Variants in DBF4B observed in about 807,000 individuals in gnomAD.
The protein encoded by DBF4B is protein DBF4 homolog B.
Under a neutral mutation model 53.4 loss-of-function variants are expected in DBF4B, and 49 were observed. That is an observed-to-expected ratio of 0.92 (90% CI 0.73 to 1.16). The LOEUF is 1.16. Among genes scored for constraint, DBF4B ranks in the 50% most tolerant of loss-of-function variants. DBF4B has a pLI of 0.00. For synonymous variants in DBF4B, 257 were observed against 288.7 expected, an observed-to-expected ratio of 0.89 and a Z score of 1.11; for missense variants, 692 against 775.0, an observed-to-expected ratio of 0.89 and a Z score of 1.27.
At position 44,739,775 on chromosome 17, in the gene DBF4B, AT is replaced by A. The variant is rs962011266; in HGVS notation, c.713+1364del. ...AACTGGAGCTGAGATTTCTTGTGAA[AT>A]TTTTTTTTTTTTGAGACGGAGTCTC... On this transcript the variant is annotated intron_variant, in intron 9 of 13. Coordinates refer to ENST00000315005, the MANE Select transcript of DBF4B (RefSeq NM_145663.3). 4.8e-3 allele frequency among the ~76,000 whole-genome samples: 705 copies of A among 147,216 alleles called. 4 individuals are homozygous for A. The highest frequency in any genetic ancestry group is 0.015 in the African/African-American group (611 of 40,482).
At chr17:44,750,150 C>G in intron 13 of DBF4B, 1 of 997,092 alleles carries the variant, frequency 1.0e-6, no homozygotes, top group Non-Finnish European at 1.2e-6. Flanking sequence ...CACCCTCCTC[C>G]CTCGCTCCCT....
chr17:44,740,019 C>T (rs189999724), intron 9 of DBF4B, among the ~76,000 whole-genome samples: 1 of 152,272 alleles, frequency 6.6e-6, no homozygotes, highest in East Asian at 1.9e-4. Context: ...GCCTTGGCCT[C>T]CCAAAGTGCT....
rs61749923 is a variant in DBF4B at position 44,708,845 on chromosome 17, G to A, written c.19+6G>A. 3.9e-6 allele frequency: 6 copies of A among 1,550,934 alleles called. No individual in the cohort carries two copies. Among genetic ancestry groups the A allele is most frequent in the Non-Finnish European group, 5.2e-6 (6 of 1,146,770 alleles). On this transcript the variant is annotated splice_donor_region_variant and intron_variant, in intron 1 of 13. Coordinates refer to ENST00000315005, the MANE Select transcript of DBF4B (RefSeq NM_145663.3). ...GATGAGCGAACCGGGAAAGGGTACG[G>A]ATGCCGGGAAGGGGAGAAAGAAAGG... is the stretch of plus-strand genomic sequence containing the variant.
At chr17:44,726,492 C>T (rs1448767754) in intron 3 of DBF4B, among the ~76,000 whole-genome samples, 3 of 149,488 alleles carry the variant, frequency 2.0e-5, no homozygotes, top group Non-Finnish European at 3.0e-5. Context: ...TTACTCTTGG[C>T]GTCAAGCAAT....
chr17:44,723,068 C>G, intron 3 of DBF4B, 46 bp downstream of exon 3: 1 of 1,607,764 alleles, frequency 6.2e-7, no homozygotes, highest in Non-Finnish European at 8.5e-7. Flanking sequence ...CCTTTGCAGG[C>G]TTAGAGCAGG....
intron 2 of DBF4B, among the ~76,000 whole-genome samples, chr17:44,710,462 T>C (rs1972767502): frequency 6.6e-6 from 1 of 152,248 alleles, no homozygotes; most frequent in Non-Finnish European, 1.5e-5. Context: ...ATTTTCTCCT[T>C]GTTTTCTTCA....
At chr17:44,726,289 C>CTTT (rs1370895121) in intron 3 of DBF4B, among the ~76,000 whole-genome samples, 1 of 53,492 alleles carries the variant, frequency 1.9e-5, no homozygotes, top group African/African-American at 5.3e-5. Flanking sequence ...GCACCCGGCC[C>CTTT]TTTTTTATTT....
intron 13 of DBF4B, 133 bp from the exon 14 acceptor site, chr17:44,750,462 A>G: frequency 6.9e-7 from 1 of 1,454,936 alleles, no homozygotes; most frequent in African/African-American, 1.4e-5. Context: ...CCCACCTTAG[A>G]GGTCATGTTA....
chr17:44,746,909 A>G (rs971426679), intron 10 of DBF4B, among the ~76,000 whole-genome samples, 174 bp from the exon 11 acceptor site: 1 of 151,698 alleles, frequency 6.6e-6, no homozygotes, highest in African/African-American at 2.4e-5. Flanking sequence ...CCCTCTTGCC[A>G]TTCTTAGATG....
At chr17:44,722,049 G>A (rs777624427) in intron 2 of DBF4B, among the ~76,000 whole-genome samples, 3 of 151,796 alleles carry the variant, frequency 2.0e-5, no homozygotes, top group Non-Finnish European at 4.4e-5. Context: ...CAAGTGAATC[G>A]CTTGAACCTG....
At chr17:44,748,582 GTGTT>G in intron 13 of DBF4B, 117 bp downstream of exon 13, 1 of 1,546,916 alleles carries the variant, frequency 6.5e-7, no homozygotes. Flanking sequence ...GTCAGTTGAT[GTGTT>G]TGTGGACCCC....
At chr17:44,716,755 A>C (rs930948257) in intron 2 of DBF4B, among the ~76,000 whole-genome samples, 1 of 152,084 alleles carries the variant, frequency 6.6e-6, no homozygotes, top group Non-Finnish European at 1.5e-5. Flanking sequence ...CTGAGAGTCT[A>C]TTCCTTTTAA....
intron 2 of DBF4B, chr17:44,720,364 T>G (rs1365981582): frequency 4.6e-6 from 1 of 216,536 alleles, no homozygotes; most frequent in Non-Finnish European, 9.4e-6. Flanking sequence ...TTTTCAACCT[T>G]GGATTTAGCA....
chr17:44,743,222 G>A (rs1432541720), intron 10 of DBF4B, among the ~76,000 whole-genome samples: 1 of 152,232 alleles, frequency 6.6e-6, no homozygotes, highest in Admixed American at 6.5e-5. Flanking sequence ...AAGCAATGAA[G>A]CTTTGGTATC....
intron 5 of DBF4B, 166 bp downstream of exon 5, chr17:44,731,181 G>T: frequency 1.3e-6 from 1 of 753,730 alleles, no homozygotes; most frequent in Non-Finnish European, 2.2e-6. Context: ...GCTCAGACAA[G>T]TTATTTAGCC....
intron 5 of DBF4B, chr17:44,731,602 CAAAAAA>C (rs557058247): frequency 6.8e-6 from 1 of 147,498 alleles, no homozygotes; most frequent in Non-Finnish European, 1.5e-5. Context: ...GACTCTGTCT[CAAAAAA>C]AAAACAAAAA....
intron 2 of DBF4B, among the ~76,000 whole-genome samples, chr17:44,721,494 C>T (rs1265152615): frequency 6.6e-6 from 1 of 152,144 alleles, no homozygotes; most frequent in African/African-American, 2.4e-5. Context: ...GCTGGGATTA[C>T]AGGTATGAGC....
At chr17:44,737,116 G>A (rs554066104) in intron 8 of DBF4B, among the ~76,000 whole-genome samples, 1 of 152,298 alleles carries the variant, frequency 6.6e-6, no homozygotes, top group South Asian at 2.1e-4. Flanking sequence ...AGACACTTTG[G>A]CTCCTGTGTC....
intron 11 of DBF4B, 74 bp from the exon 12 acceptor site, chr17:44,747,317 T>C: frequency 6.2e-7 from 1 of 1,602,638 alleles, no homozygotes; most frequent in Non-Finnish European, 8.5e-7. Context: ...GAGCATGGGC[T>C]GGGAGGTCAG....
Sources: allele counts gnomAD v4.1 joint callset (sites outside exome capture counted in the v4.1 genomes callset), GRCh38; gene constraint gnomAD v4.1.1; transcripts MANE v1.5; gene names NCBI Gene and HGNC (gene_info 2026-07-23, HGNC 2026-07-21).